The following CTNNA3 variants were observed in gnomAD, a reference collection of about 807,000 sequenced individuals.
CTNNA3 encodes the protein catenin alpha-3.
A neutral mutation model predicts 95.7 loss-of-function variants in CTNNA3; 76 were observed. The ratio of observed to expected loss-of-function variants is 0.79; its 90% confidence interval spans 0.66 to 0.96. The LOEUF (loss-of-function observed/expected upper bound fraction) is 0.96. CTNNA3 is among the 40% of genes least tolerant of loss of function. The pLI is 0.00. For missense variants in CTNNA3, 1,191 were observed against 1,089.8 expected (o/e 1.09, Z -1.31); for synonymous variants, 431 against 374.4 (o/e 1.15, Z -1.74).
intron 11 of CTNNA3, among the ~76,000 whole-genome samples, chr10:66,446,573 C>A (rs181063152): frequency 0.27 from 40,188 of 151,518 alleles, 5,508 homozygotes; most frequent in South Asian, 0.39. Context: ...AAGACAAAAA[C>A]CACATGATTA....
chr10:67,671,513 C>A (rs1032582708), intron 1 of CTNNA3, among the ~76,000 whole-genome samples: 4 of 143,970 alleles, frequency 2.8e-5, no homozygotes, highest in Non-Finnish European at 5.9e-5. Flanking sequence ...TCCCCGCTCC[C>A]CCCACCCCAC....
intron 10 of CTNNA3, among the ~76,000 whole-genome samples, chr10:66,588,479 C>G (rs1843436407): frequency 6.6e-6 from 1 of 152,090 alleles, no homozygotes; most frequent in Non-Finnish European, 1.5e-5. Context: ...AACACATAGG[C>G]CAGATTTTCA....
At chr10:66,501,852 C>G (rs1351001988) in intron 11 of CTNNA3, among the ~76,000 whole-genome samples, 2 of 151,996 alleles carry the variant, frequency 1.3e-5, no homozygotes, top group African/African-American at 2.4e-5. Flanking sequence ...AGGCTTTCAT[C>G]AAAATCTTTA....
chr10:65,944,053 C>T (rs1022512351), intron 17 of CTNNA3, among the ~76,000 whole-genome samples: 1 of 152,098 alleles, frequency 6.6e-6, no homozygotes, highest in African/African-American at 2.4e-5. Flanking sequence ...TATAAATGTC[C>T]CTAGGAATTG....
intron 7 of CTNNA3, among the ~76,000 whole-genome samples, chr10:66,976,904 T>A (rs976094372): frequency 6.6e-6 from 1 of 152,216 alleles, no homozygotes; most frequent in Non-Finnish European, 1.5e-5. Flanking sequence ...AAATAACTAC[T>A]TTGATGTGCT....
intron 7 of CTNNA3, among the ~76,000 whole-genome samples, chr10:67,001,633 T>G (rs1176149916): frequency 6.6e-6 from 1 of 152,164 alleles, no homozygotes; most frequent in Non-Finnish European, 1.5e-5. Flanking sequence ...TCAAAAAGAA[T>G]AATTTTATAA....
intron 1 of CTNNA3, among the ~76,000 whole-genome samples, chr10:67,686,258 C>T (rs1840728301): frequency 6.6e-6 from 1 of 152,228 alleles, no homozygotes; most frequent in African/African-American, 2.4e-5. Flanking sequence ...GTGCTGGTCC[C>T]TGGGGGAAGA....
chr10:67,441,930 G>C (rs970499629), intron 5 of CTNNA3, among the ~76,000 whole-genome samples: 2 of 152,096 alleles, frequency 1.3e-5, no homozygotes, highest in African/African-American at 4.8e-5. Context: ...ATTGTGGTGT[G>C]TAAACTACTC....
At position 65,916,871 on chromosome 10, in the gene CTNNA3, T is replaced by C. The variant is rs2077014069; in HGVS notation, c.*3459A>G. On this transcript the variant is annotated 3_prime_UTR_variant, in exon 18 of 18. Coordinates refer to ENST00000433211, the MANE Select transcript of CTNNA3 (RefSeq NM_013266.4). The stretch of plus-strand genomic sequence containing the variant: ...TCAAAATGAAGGTTCAGGAAGCCGT[T>C]GAAGTCACTTACTCTGTTGTTACAC... The C allele has an allele frequency of 1.3e-5, 2 of 152,284 alleles. No homozygotes were observed. Among genetic ancestry groups the C allele is most frequent in the Non-Finnish European group, 2.9e-5 (2 of 68,018 alleles). The allele number at this position is 152,284 out of a possible 1,614,324, so 9.4% of individuals were successfully genotyped here.
At chr10:67,141,484 G>A (rs1034181859) in intron 7 of CTNNA3, among the ~76,000 whole-genome samples, 6 of 152,058 alleles carry the variant, frequency 3.9e-5, no homozygotes, top group Non-Finnish European at 5.9e-5. Context: ...GGTCATGTAC[G>A]GTAATACCCG....
intron 11 of CTNNA3, among the ~76,000 whole-genome samples, chr10:66,446,583 A>G (rs2093423496): frequency 6.6e-6 from 1 of 152,022 alleles, no homozygotes; most frequent in Non-Finnish European, 1.5e-5. Flanking sequence ...CCACATGATT[A>G]TCTCAATAGA....
At chr10:66,164,648 C>T (rs552384115) in intron 13 of CTNNA3, among the ~76,000 whole-genome samples, 30 of 151,882 alleles carry the variant, frequency 2.0e-4, no homozygotes, top group Non-Finnish European at 3.5e-4. Context: ...GAAAGAAAAT[C>T]TCTGTAAATG....
intron 5 of CTNNA3, among the ~76,000 whole-genome samples, chr10:67,473,276 C>A (rs547783301): frequency 6.6e-6 from 1 of 152,258 alleles, no homozygotes; most frequent in South Asian, 2.1e-4. Flanking sequence ...TTCCCAGGAG[C>A]TTTACACTCT....
At chr10:65,939,955 C>T (rs1016734226) in intron 17 of CTNNA3, among the ~76,000 whole-genome samples, 6 of 151,968 alleles carry the variant, frequency 3.9e-5, no homozygotes, top group Non-Finnish European at 7.4e-5. Context: ...TTATTTATGA[C>T]AAAATAAGTC....
intron 2 of CTNNA3, among the ~76,000 whole-genome samples, chr10:67,633,543 TTTG>T (rs1287842479): frequency 5.9e-5 from 9 of 152,164 alleles, no homozygotes; most frequent in Non-Finnish European, 1.3e-4. Context: ...GGCTGCTGTC[TTTG>T]TTGTTTCACA....
chr10:66,086,127 C>G (rs2080973878), intron 14 of CTNNA3, among the ~76,000 whole-genome samples: 1 of 152,116 alleles, frequency 6.6e-6, no homozygotes, highest in African/African-American at 2.4e-5. Context: ...TAGCAATAGA[C>G]AAGGCTTTTC....
At chr10:65,969,766 T>C (rs2078056416) in intron 16 of CTNNA3, among the ~76,000 whole-genome samples, 1 of 152,104 alleles carries the variant, frequency 6.6e-6, no homozygotes, top group Non-Finnish European at 1.5e-5. Flanking sequence ...TTGAGAGATA[T>C]GGGATTATGT....
intron 11 of CTNNA3, 125 bp from the exon 12 acceptor site, chr10:66,379,477 T>C (rs1398524273): frequency 2.0e-5 from 16 of 788,608 alleles, no homozygotes; most frequent in Non-Finnish European, 2.4e-5. Flanking sequence ...TGGAAGACTT[T>C]GAGAATTATA....
chr10:66,306,331 C>T (rs1357899438), intron 12 of CTNNA3, among the ~76,000 whole-genome samples: 2 of 152,134 alleles, frequency 1.3e-5, no homozygotes, highest in African/African-American at 4.8e-5. Context: ...TCAATAAGGT[C>T]CTTCCCTGTT....
Sources: gnomAD v4.1 joint callset for allele counts (sites outside exome capture counted in the v4.1 genomes callset) on GRCh38, gnomAD v4.1.1 for gene constraint, MANE v1.5 for transcripts, NCBI Gene and HGNC (gene_info 2026-07-23, HGNC 2026-07-21) for gene names.